The following DPP3 variants were observed in gnomAD, a reference collection of about 807,000 sequenced individuals.
DPP3 encodes dipeptidyl peptidase 3.
A neutral mutation model predicts 89.8 loss-of-function variants in DPP3; 64 were observed. The observed-to-expected ratio is 0.71, with a 90% confidence interval of 0.58 to 0.88. The LOEUF (loss-of-function observed/expected upper bound fraction) is 0.88, where lower values mean the gene tolerates loss of function less well. Ranked by LOEUF, DPP3 falls within the 40% of genes least tolerant of loss-of-function variation. The pLI is 0.00. For synonymous variants in DPP3, 377 were observed against 404.3 expected (o/e 0.93, Z 0.81); for missense variants, 835 against 972.5 (o/e 0.86, Z 1.88).
At chr11:66,481,621 A>G (rs1232683190) in intron 1 of DPP3, among the ~76,000 whole-genome samples, 1 of 151,900 alleles carries the variant, frequency 6.6e-6, no homozygotes, top group Non-Finnish European at 1.5e-5. Flanking sequence ...CAGTTTCCCC[A>G]TCTGTAATAC....
chr11:66,490,463 C>T (rs1855348380), intron 6 of DPP3, among the ~76,000 whole-genome samples: 2 of 152,280 alleles, frequency 1.3e-5, no homozygotes, highest in South Asian at 4.1e-4. Context: ...GGCTGTCCAG[C>T]CCCCCAACTT....
rs1855386858 is a variant in DPP3 at position 66,491,527 on chromosome 11, C to T, written c.832C>T (p.Leu278=). Residue 278 remains leucine (L), a synonymous_variant, in exon 8 of 18, where the codon CTG becomes TTG. Coordinates refer to ENST00000531863, the MANE Select transcript of DPP3 (RefSeq NM_130443.4). ...AGCCAACAGCCACCAGGGGCAGATG[C>T]TGGCCCAGTATATAGAGAGCTTCAC... ...YAANSHQGQM[L]AQYIESFTQG... is the part of the protein sequence containing the mutation. 1.2e-6 allele frequency: 2 copies of T among 1,612,482 alleles called. No homozygotes were observed. Among genetic ancestry groups the T allele is most frequent in the East Asian group, 2.2e-5 (1 of 44,830 alleles).
intron 5 of DPP3, 55 bp downstream of exon 5, chr11:66,487,397 A>G: frequency 6.4e-7 from 1 of 1,573,606 alleles, no homozygotes; most frequent in Non-Finnish European, 8.7e-7. Flanking sequence ...TCCTAGTCCC[A>G]GCCCCCTCAC....
intron 17 of DPP3, among the ~76,000 whole-genome samples, chr11:66,506,795 T>A (rs1855813231): frequency 6.6e-6 from 1 of 152,096 alleles, no homozygotes; most frequent in Non-Finnish European, 1.5e-5. Context: ...TCTGGTTCTT[T>A]TTGTCCTTCC....
chr11:66,487,175 A>C (rs1855253726), intron 4 of DPP3, 93 bp from the exon 5 acceptor site: 2 of 1,254,174 alleles, frequency 1.6e-6, no homozygotes, highest in Non-Finnish European at 2.3e-6. Context: ...GGCTGCTGAA[A>C]GGAGGGAGGG....
At chr11:66,483,512 C>T (rs958422059) in intron 2 of DPP3, among the ~76,000 whole-genome samples, 1 of 151,906 alleles carries the variant, frequency 6.6e-6, no homozygotes, top group African/African-American at 2.4e-5. Context: ...TTTAAATGTA[C>T]CTCATTCTTT....
chr11:66,503,688 C>A (rs556247296), intron 16 of DPP3, among the ~76,000 whole-genome samples: 55 of 152,232 alleles, frequency 3.6e-4, no homozygotes, highest in African/African-American at 1.3e-3. Context: ...GAGATGGAGA[C>A]CATCTTGGCT....
intron 16 of DPP3, among the ~76,000 whole-genome samples, chr11:66,498,155 G>A (rs531779056): frequency 4.6e-5 from 7 of 151,748 alleles, no homozygotes; most frequent in East Asian, 1.9e-4. Context: ...GTGCAGTGGC[G>A]TGATCTGTGC....
In DPP3 at chr11:66,495,209, G is replaced by A. The variant is rs201822987; in HGVS notation, c.1393G>A (p.Glu465Lys). The A allele has an allele frequency of 3.7e-6, 6 of 1,612,162 alleles. No individual in the cohort carries two copies. The African/African-American group carries it at 6.7e-5, about 18-fold the overall frequency. ...HGSGKLFVQDEKGAFNFDQET... is the reference protein window; with the variant it reads ...HGSGKLFVQDKKGAFNFDQET... ...TCACCCACCGTGTGTTCTGCAGGAC[G>A]AAAAAGGAGCATTCAACTTTGACCA... The change falls in exon 13 of 18, where the codon GAA becomes AAA. Residue 465 changes from glutamate to lysine, a missense_variant. By Grantham distance (56) the Glu-to-Lys change is moderately conservative. Transcript: ENST00000531863.
rs751754068 is a variant in DPP3, at chr11:66,497,464, T to C, written c.1865T>C (p.Leu622Pro). 2 of 1,613,320 alleles carry C rather than the reference T, an allele frequency of 1.2e-6. No homozygotes were observed. The highest frequency in any genetic ancestry group is 1.7e-6 in the Non-Finnish European group (2 of 1,179,706). Residue 622 changes from leucine (L) to proline (P), a missense_variant, in exon 16 of 18, where the codon CTG becomes CCG. Leu to Pro is a moderately conservative substitution (Grantham distance 98). Transcript: ENST00000531863. ...SVGKPALERF[L>P]RRLQVLKSTG... ...GGCAAGCCTGCTCTAGAGCGCTTCCTGCGGAGACTTCAGGTAAGCAAAGGC... is the reference window on the plus strand; with the variant it reads ...GGCAAGCCTGCTCTAGAGCGCTTCCCGCGGAGACTTCAGGTAAGCAAAGGC...
At chr11:66,502,036 T>C (rs924094609) in intron 16 of DPP3, among the ~76,000 whole-genome samples, 2 of 151,314 alleles carry the variant, frequency 1.3e-5, no homozygotes, top group African/African-American at 4.9e-5. Context: ...CTACTAAAAA[T>C]ACAAAAATTA....
Position 66,495,225 on chromosome 11 carries a change from A to G in DPP3, c.1409A>G (p.Asn470Ser), listed in dbSNP as rs767891677. 12 of 1,612,490 alleles carry G rather than the reference A, an allele frequency of 7.4e-6. No individual in the cohort carries two copies. Among genetic ancestry groups the G allele is most frequent in the Non-Finnish European group, 1.0e-5 (12 of 1,180,004 alleles). ...CTGCAGGACGAAAAAGGAGCATTCAACTTTGACCAGGAAACAGTGATCAAC... is the reference window on the plus strand; with the variant it reads ...CTGCAGGACGAAAAAGGAGCATTCAGCTTTGACCAGGAAACAGTGATCAAC... ...LFVQDEKGAF[N>S]FDQETVINPE... Residue 470 changes from asparagine (N) to serine (S), a missense_variant, in exon 13 of 18, where the codon AAC (asparagine) becomes AGC (serine). Physicochemically the swap from Asn to Ser is conservative, Grantham distance 46 (BLOSUM62 1). Coordinates refer to ENST00000531863, the MANE Select transcript of DPP3 (RefSeq NM_130443.4).
At chr11:66,495,094 C>CTCCTGCGCTCCCGCTTGCCT (rs1451247560) in intron 12 of DPP3, 112 bp from the exon 13 acceptor site, 56 of 1,509,684 alleles carry the variant, frequency 3.7e-5, no homozygotes, top group Non-Finnish European at 4.8e-5. Context: ...CCGCCGCCCG[C>CTCCTGCGCTCCCGCTTGCCT]TCCTGCGCTC....
chr11:66,487,855 C>T, intron 5 of DPP3, 59 bp from the exon 6 acceptor site: 4 of 1,529,498 alleles, frequency 2.6e-6, no homozygotes, highest in Non-Finnish European at 3.6e-6. Context: ...ATTTTCCTTC[C>T]TCCCACCCCA....
chr11:66,496,244 G>A (rs1565272852), intron 15 of DPP3, among the ~76,000 whole-genome samples: 4 of 152,164 alleles, frequency 2.6e-5, no homozygotes, highest in African/African-American at 9.6e-5. Flanking sequence ...AAACTTTTTT[G>A]TTTGTTCGTT....
At chr11:66,503,744 G>A (rs747284885) in intron 16 of DPP3, among the ~76,000 whole-genome samples, 16 of 152,078 alleles carry the variant, frequency 1.1e-4, no homozygotes, top group Non-Finnish European at 2.1e-4. Context: ...AAATTTAGCC[G>A]GGCGTGGTGG....
chr11:66,482,562 G>T (rs1425833470), intron 2 of DPP3, 92 bp downstream of exon 2: 29 of 1,531,650 alleles, frequency 1.9e-5, no homozygotes, highest in Non-Finnish European at 2.1e-5. Context: ...AGGGGTAGGT[G>T]GAGGATTAGA....
At chr11:66,507,487 A>C (rs74933537) in intron 17 of DPP3, among the ~76,000 whole-genome samples, 33,936 of 151,530 alleles carry the variant, frequency 0.22, 4,167 homozygotes, top group East Asian at 0.27. Context: ...TAATAATAAT[A>C]ATCATCATCA....
intron 2 of DPP3, chr11:66,482,987 A>T (rs1791681): frequency 6.5e-6 from 1 of 154,862 alleles, no homozygotes; most frequent in Non-Finnish European, 1.4e-5. Context: ...GAGGTAACCC[A>T]CTGAGGCTGA....
Sources: allele counts gnomAD v4.1 joint callset (sites outside exome capture counted in the v4.1 genomes callset), GRCh38; gene constraint gnomAD v4.1.1; transcripts MANE v1.5; gene names NCBI Gene and HGNC (gene_info 2026-07-23, HGNC 2026-07-21).